The following ZNF804B variants were observed in gnomAD, a reference collection of about 807,000 sequenced individuals.
ZNF804B encodes the protein zinc finger protein 804B, also known as zinc finger 804B.
ZNF804B carries 80 observed loss-of-function variants against 101.4 expected under a neutral mutation model. That is an observed-to-expected ratio of 0.79 (90% CI 0.66 to 0.95). The LOEUF is 0.95. Ranked by LOEUF, ZNF804B falls within the 40% of genes least tolerant of loss-of-function variation. The pLI is 0.00. For missense variants in ZNF804B, 1,673 were observed against 1,561.9 expected, an observed-to-expected ratio of 1.07 and a Z score of -1.20; for synonymous variants, 622 against 558.8, an observed-to-expected ratio of 1.11 and a Z score of -1.59.
At chr7:88,834,320 G>A (rs763727577) in intron 1 of ZNF804B, among the ~76,000 whole-genome samples, 6 of 151,772 alleles carry the variant, frequency 4.0e-5, no homozygotes, top group Non-Finnish European at 7.4e-5. Context: ...TTATAACCAG[G>A]AGTGTAGCTA....
At chr7:88,986,182 C>T (rs1050388637) in intron 1 of ZNF804B, among the ~76,000 whole-genome samples, 2 of 152,082 alleles carry the variant, frequency 1.3e-5, no homozygotes, top group African/African-American at 4.8e-5. Flanking sequence ...CTGCTTTTCT[C>T]TAGTTCTATC....
At chr7:89,091,528 G>A (rs1789886726) in intron 1 of ZNF804B, among the ~76,000 whole-genome samples, 1 of 152,138 alleles carries the variant, frequency 6.6e-6, no homozygotes, top group African/African-American at 2.4e-5. Context: ...AAAGCTAAAA[G>A]TGTGTGCAAA....
chr7:88,866,249 A>T (rs1427428221), intron 1 of ZNF804B, among the ~76,000 whole-genome samples: 1 of 152,236 alleles, frequency 6.6e-6, no homozygotes, highest in African/African-American at 2.4e-5. Context: ...AGTGATGATT[A>T]TCTGTGATAG....
chr7:88,926,048 A>G (rs1286484861), intron 1 of ZNF804B, among the ~76,000 whole-genome samples: 1 of 152,144 alleles, frequency 6.6e-6, no homozygotes, highest in African/African-American at 2.4e-5. Flanking sequence ...TCAAAAATGT[A>G]AAACAGAAAT....
chr7:88,846,239 T>C (rs1408799185), intron 1 of ZNF804B, among the ~76,000 whole-genome samples: 3 of 151,346 alleles, frequency 2.0e-5, no homozygotes, highest in South Asian at 2.1e-4. Flanking sequence ...CGAATACATT[T>C]TGCATCTGTA....
chr7:88,836,470 GAAC>G (rs1212939382), intron 1 of ZNF804B, among the ~76,000 whole-genome samples: 1 of 151,708 alleles, frequency 6.6e-6, no homozygotes, highest in Non-Finnish European at 1.5e-5. Context: ...AGTCAAGCAA[GAAC>G]AACAATAACA....
Position 89,333,923 on chromosome 7 carries a change from T to C in ZNF804B, c.941T>C (p.Leu314Pro). The C allele has an allele frequency of 6.2e-7, 1 of 1,613,574 alleles. No individual in the cohort carries two copies. The highest frequency in any genetic ancestry group is 1.3e-5 in the African/African-American group (1 of 75,012). The change falls in exon 4 of 4, where the codon CTA becomes CCA. Residue 314 changes from leucine to proline, a missense_variant. By Grantham distance (98) the Leu-to-Pro change is moderately conservative (BLOSUM62 -3). Transcript: ENST00000333190. ...AAACACGACTCTATTGATGAGACAC[T>C]AGAAGATTCAATTGGCATTCATGCT... Reference protein sequence around the residue: ...QDKHDSIDETLEDSIGIHASF... With the variant: ...QDKHDSIDETPEDSIGIHASF...
chr7:89,048,178 T>C lies in ZNF804B; in HGVS notation c.109-169977T>C, dbSNP rs553365739. Among the ~76,000 whole-genome samples the C allele has an allele frequency of 8.9e-5, 13 of 145,470 alleles. No individual in the cohort carries two copies. The South Asian group carries it at 2.8e-3, about 31-fold the overall frequency. On this transcript the variant is annotated intron_variant, in intron 1 of 3. Coordinates refer to ENST00000333190, the MANE Select transcript of ZNF804B (RefSeq NM_181646.5). ...ATCCTCATAGCTTAGCCCCCGCTTA[T>C]TAGTGAGAACATATGATGTTCACAA... is the stretch of plus-strand genomic sequence containing the variant.
intron 1 of ZNF804B, among the ~76,000 whole-genome samples, chr7:88,993,392 G>A (rs954127189): frequency 4.6e-5 from 7 of 152,002 alleles, no homozygotes; most frequent in Middle Eastern, 3.4e-3. Context: ...GCAAAGTGAG[G>A]ATAAGACTAC....
chr7:88,849,857 A>C lies in ZNF804B; in HGVS notation c.108+89773A>C, dbSNP rs74482709. Among the ~76,000 whole-genome samples, 978 of 152,134 alleles carry C rather than the reference A, an allele frequency of 6.4e-3. 9 individuals are homozygous for C. Among genetic ancestry groups the C allele is most frequent in the African/African-American group, 0.021 (892 of 41,544 alleles). On this transcript the variant is annotated intron_variant, in intron 1 of 3. Coordinates refer to ENST00000333190, the MANE Select transcript of ZNF804B (RefSeq NM_181646.5). ...AAAAAAATATTTGCCTTATTTAAAAATAAGGCAAAATTATTTTAAACTTAT... is the reference window on the plus strand; with the variant it reads ...AAAAAAATATTTGCCTTATTTAAAACTAAGGCAAAATTATTTTAAACTTAT...
Position 89,109,346 on chromosome 7 carries a change from T to C in ZNF804B, c.109-108809T>C, listed in dbSNP as rs545181027. The stretch of plus-strand genomic sequence containing the variant: ...TGAAGAGTTATGAGAATAGCCAAAA[T>C]GTTCAAACTTCACATTAAATTTTAT... On this transcript the variant is annotated intron_variant, in intron 1 of 3. Transcript: ENST00000333190. Among the ~76,000 whole-genome samples, 36 of 152,296 alleles carry C rather than the reference T, an allele frequency of 2.4e-4. No individual in the cohort carries two copies. The South Asian group carries it at 7.5e-3, about 32-fold the overall frequency.
At chr7:89,032,687 G>T (rs1788856787) in intron 1 of ZNF804B, among the ~76,000 whole-genome samples, 1 of 152,124 alleles carries the variant, frequency 6.6e-6, no homozygotes, top group Non-Finnish European at 1.5e-5. Flanking sequence ...CCTTGAGGAT[G>T]AAAGTCAGTT....
intron 1 of ZNF804B, among the ~76,000 whole-genome samples, chr7:88,984,580 T>G (rs983548905): frequency 3.9e-5 from 6 of 152,040 alleles, no homozygotes; most frequent in Admixed American, 3.3e-4. Flanking sequence ...CCCTTTTTTC[T>G]CTGACTTTAT....
At chr7:89,300,406 A>G (rs948116881) in intron 2 of ZNF804B, among the ~76,000 whole-genome samples, 1 of 151,312 alleles carries the variant, frequency 6.6e-6, no homozygotes, top group African/African-American at 2.4e-5. Context: ...TTTATACTTC[A>G]TGCACTTAAT....
At position 89,292,963 on chromosome 7, in the gene ZNF804B, T is replaced by G. The variant is rs1028524715; in HGVS notation, c.250-34381T>G. Among the ~76,000 whole-genome samples, 3 of 152,020 alleles carry G rather than the reference T, an allele frequency of 2.0e-5. No homozygotes were observed. The East Asian group carries it at 5.8e-4, about 29-fold the overall frequency. The stretch of plus-strand genomic sequence containing the variant: ...ACAGTGGTGAGAAAAATTTAGAGAC[T>G]TAAATAAATGGAAGGATATTTCATA... On this transcript the variant is annotated intron_variant, in intron 2 of 3. Coordinates refer to ENST00000333190, the MANE Select transcript of ZNF804B (RefSeq NM_181646.5).
chr7:88,956,034 C>G (rs1270151515), intron 1 of ZNF804B, among the ~76,000 whole-genome samples: 1 of 151,556 alleles, frequency 6.6e-6, no homozygotes, highest in East Asian at 2.0e-4. Context: ...CCACAACAAG[C>G]TATCATCTTA....
intron 1 of ZNF804B, among the ~76,000 whole-genome samples, chr7:88,937,545 A>G (rs527764605): frequency 6.6e-6 from 1 of 152,252 alleles, no homozygotes; most frequent in Admixed American, 6.5e-5. Context: ...TGTTAACCAT[A>G]GAACACAGTA....
chr7:89,155,260 C>T (rs1173535283), intron 1 of ZNF804B, among the ~76,000 whole-genome samples: 1 of 152,048 alleles, frequency 6.6e-6, no homozygotes, highest in Non-Finnish European at 1.5e-5. Flanking sequence ...TGGATAAATC[C>T]AACAGAGCCA....
chr7:89,059,185 G>C (rs1789338582), intron 1 of ZNF804B, among the ~76,000 whole-genome samples: 1 of 152,162 alleles, frequency 6.6e-6, no homozygotes, highest in Non-Finnish European at 1.5e-5. Context: ...GTTGTATGCA[G>C]GATGGTTGCT....
Sources: allele counts gnomAD v4.1 joint callset (sites outside exome capture counted in the v4.1 genomes callset), GRCh38; gene constraint gnomAD v4.1.1; transcripts MANE v1.5; gene names NCBI Gene and HGNC (gene_info 2026-07-23, HGNC 2026-07-21).